The following UPF2 variants were observed in gnomAD, a reference collection of about 807,000 sequenced individuals.
The protein encoded by UPF2 is UPF2 regulator of nonsense mediated mRNA decay.
Under a neutral mutation model 141.4 loss-of-function variants are expected in UPF2, and 17 were observed. The observed-to-expected ratio is 0.12, with a 90% CI of 0.08 to 0.18. The LOEUF is 0.18. UPF2 is among the 10% of genes least tolerant of loss of function. UPF2 has a pLI of 1.00. For missense variants in UPF2, 1,152 were observed against 1,515.9 expected (o/e 0.76, Z 3.99); for synonymous variants, 540 against 498.0 (o/e 1.08, Z -1.12).
intron 8 of UPF2, among the ~76,000 whole-genome samples, chr10:11,985,891 T>TTAA (rs1360221249): frequency 4.6e-5 from 5 of 109,632 alleles, no homozygotes. Context: ...TTCCTTTTTT[T>TTAA]TTTTTTTTTG....
intron 10 of UPF2, among the ~76,000 whole-genome samples, chr10:11,965,120 GTA>G (rs1295443444): frequency 6.6e-6 from 1 of 152,132 alleles, no homozygotes; most frequent in Admixed American, 6.5e-5. Flanking sequence ...TCATCAACCT[GTA>G]TTATAAAAAT....
intron 9 of UPF2, among the ~76,000 whole-genome samples, chr10:11,973,871 C>CT: frequency 6.6e-6 from 1 of 152,124 alleles, no homozygotes. Flanking sequence ...AATGCGGGCT[C>CT]TTTTTTGGTT....
At chr10:11,965,851 T>A (rs1833311132) in intron 10 of UPF2, among the ~76,000 whole-genome samples, 2 of 152,178 alleles carry the variant, frequency 1.3e-5, no homozygotes, top group Admixed American at 1.3e-4. Flanking sequence ...TGTATTTGAA[T>A]CCATGAGACC....
chr10:11,976,016 G>A (rs999741446), intron 9 of UPF2, among the ~76,000 whole-genome samples: 2 of 152,190 alleles, frequency 1.3e-5, no homozygotes, highest in African/African-American at 4.8e-5. Flanking sequence ...ATGTGTGAAT[G>A]CCTCTAGGGC....
intron 15 of UPF2, among the ~76,000 whole-genome samples, chr10:11,950,359 G>A (rs1192534040): frequency 6.6e-6 from 1 of 152,174 alleles, no homozygotes; most frequent in African/African-American, 2.4e-5. Flanking sequence ...TTTATCAGTA[G>A]GAAACGGATT....
intron 2 of UPF2, among the ~76,000 whole-genome samples, chr10:12,032,346 A>G (rs1006557701): frequency 6.6e-5 from 10 of 152,032 alleles, no homozygotes; most frequent in African/African-American, 2.4e-4. Context: ...ACATACATTA[A>G]ATAACTCAAT....
intron 9 of UPF2, among the ~76,000 whole-genome samples, chr10:11,977,315 T>C (rs577999041): frequency 5.3e-5 from 8 of 152,324 alleles, no homozygotes; most frequent in Admixed American, 5.2e-4. Context: ...GCAAAGTCTA[T>C]AGATCCTGGA....
intron 8 of UPF2, among the ~76,000 whole-genome samples, chr10:11,987,578 T>C (rs1052536486): frequency 6.6e-6 from 1 of 151,502 alleles, no homozygotes; most frequent in Non-Finnish European, 1.5e-5. Flanking sequence ...GCCAACATCA[T>C]GAAACCCCGT....
intron 1 of UPF2, among the ~76,000 whole-genome samples, chr10:12,037,402 C>CTTTTTTTT (rs59226793): frequency 8.2e-6 from 1 of 122,286 alleles, no homozygotes; most frequent in African/African-American, 3.1e-5. Flanking sequence ...TTTTGTTTTT[C>CTTTTTTTT]TTTTTTTTTT....
intron 8 of UPF2, among the ~76,000 whole-genome samples, chr10:11,982,215 G>T (rs536752724): frequency 6.6e-6 from 1 of 152,152 alleles, no homozygotes; most frequent in African/African-American, 2.4e-5. Flanking sequence ...TTCAAATATA[G>T]GATTTAAATC....
chr10:12,009,956 C>T (rs899761252), intron 4 of UPF2, among the ~76,000 whole-genome samples: 2 of 152,146 alleles, frequency 1.3e-5, no homozygotes, highest in African/African-American at 4.8e-5. Context: ...AGAATTAAGA[C>T]TCACAGAGAG....
intron 9 of UPF2, among the ~76,000 whole-genome samples, chr10:11,977,924 GA>G (rs1180155866): frequency 6.6e-6 from 1 of 152,130 alleles, no homozygotes; most frequent in Non-Finnish European, 1.5e-5. Context: ...ATGAAAATCT[GA>G]AAAACACTTT....
rs1243015481 is a variant in UPF2 at position 11,959,147 on chromosome 10, A to G, written c.2370+24T>C. 1.3e-6 allele frequency: 2 copies of G among 1,554,386 alleles called. No homozygotes were observed. Among genetic ancestry groups the G allele is most frequent in the South Asian group, 1.3e-5 (1 of 79,506 alleles). ...ACCACAAATCTCACGTTAACTATTA[A>G]CTGCATGATTTCATAAGATTTACCT... On this transcript the variant is annotated intron_variant, in intron 12 of 21. Coordinates refer to ENST00000357604, the MANE Select transcript of UPF2 (RefSeq NM_015542.4). This position sits in a 1 kb window ranked among gnomAD's most constrained non-coding sequence, Gnocchi z 5.9.
At position 12,042,086 on chromosome 10, in the gene UPF2, G is replaced by T. The variant is rs1372539936; in HGVS notation, c.-19+669C>A. Among the ~76,000 whole-genome samples the T allele has an allele frequency of 1.3e-5, 2 of 152,026 alleles. No individual in the cohort carries two copies. The highest frequency in any genetic ancestry group is 4.8e-5 in the African/African-American group (2 of 41,384). ...AACCAGCCTATGTGATTAAAAGGAA[G>T]TCAACCAAACAGCCCATGCCCACCA... On this transcript the variant is annotated intron_variant, in intron 1 of 21. Transcript: ENST00000357604. The surrounding 1 kb of genome is among the most constrained non-coding windows in gnomAD (Gnocchi z 5.5).
intron 21 of UPF2, among the ~76,000 whole-genome samples, chr10:11,924,130 AC>A (rs1385773998): frequency 6.6e-6 from 1 of 152,244 alleles, no homozygotes; most frequent in Non-Finnish European, 1.5e-5. Flanking sequence ...AGTTTTACTT[AC>A]AGCACTGCTG....
chr10:12,001,894 T>C (rs1308969718), intron 5 of UPF2, 69 bp from the exon 6 acceptor site: 2 of 1,397,588 alleles, frequency 1.4e-6, no homozygotes, highest in Non-Finnish European at 1.9e-6. Flanking sequence ...AAAAGTAGAT[T>C]AAGACTCACA....
chr10:11,943,332 G>A (rs550394253), intron 16 of UPF2, among the ~76,000 whole-genome samples, 164 bp from the exon 17 acceptor site: 11 of 152,292 alleles, frequency 7.2e-5, no homozygotes, highest in African/African-American at 2.4e-4. Flanking sequence ...AGCTAGCAAC[G>A]TTTAAGACAA....
At chr10:12,037,419 T>G (rs1182302171) in intron 1 of UPF2, among the ~76,000 whole-genome samples, 3 of 149,706 alleles carry the variant, frequency 2.0e-5, no homozygotes, top group Admixed American at 2.0e-4. Context: ...TTTTTTTTTT[T>G]GAGTCTCGCT....
chr10:11,990,441 G>T (rs1012625366), intron 8 of UPF2, among the ~76,000 whole-genome samples: 3 of 152,116 alleles, frequency 2.0e-5, no homozygotes, highest in African/African-American at 7.2e-5. Flanking sequence ...CTTAAAAAGG[G>T]TTAGGAGGCC....
Sources: gnomAD v4.1 joint callset for allele counts (sites outside exome capture counted in the v4.1 genomes callset) on GRCh38, gnomAD v4.1.1 for gene constraint, Gnocchi (gnomAD v3.1) non-coding constraint, MANE v1.5 for transcripts, NCBI Gene and HGNC (gene_info 2026-07-23, HGNC 2026-07-21) for gene names.